The following BCL2L2 variants were observed in gnomAD, a reference collection of about 807,000 sequenced individuals.
The protein encoded by BCL2L2 is bcl-2-like protein 2.
In BCL2L2, 6 loss-of-function variants were observed where a neutral mutation model predicts 14.6. That is an observed-to-expected ratio of 0.41 (90% CI 0.22 to 0.81). BCL2L2 has a LOEUF of 0.81. BCL2L2 is among the 30% of genes least tolerant of loss of function. BCL2L2 has a pLI of 0.32. For synonymous variants in BCL2L2, 90 were observed against 108.5 expected, an observed-to-expected ratio of 0.83 and a Z score of 1.06; for missense variants, 191 against 260.5, an observed-to-expected ratio of 0.73 and a Z score of 1.84.
rs964897643 is a variant in BCL2L2 at position 23,308,403 on chromosome 14, C to T, written c.432+204C>T. ...CCATGCAGTCAACACTGGATGGGCT[C>T]ATGGTCCCAAGCAGAGGACAGAATA... On this transcript the variant is annotated intron_variant, in intron 3 of 3. Transcript: ENST00000250405. The surrounding 1 kb of genome is among the most constrained non-coding windows in gnomAD (Gnocchi z 5.4). Among the ~76,000 whole-genome samples, 2 of 151,966 alleles carry T rather than the reference C, an allele frequency of 1.3e-5. No individual in the cohort carries two copies. Among genetic ancestry groups the T allele is most frequent in the Admixed American group, 6.5e-5 (1 of 15,268 alleles).
In BCL2L2 at chr14:23,310,598, G is replaced by C; in HGVS notation, c.*1633G>C. Reference sequence around the variant, plus strand: ...CATGGTATTTCTAGGGGAGGTGGTAGGCTGCATGTGCCACTTGGTCTTGTT... The same window carrying C: ...CATGGTATTTCTAGGGGAGGTGGTACGCTGCATGTGCCACTTGGTCTTGTT... On this transcript the variant is annotated 3_prime_UTR_variant, in exon 4 of 4. Transcript: ENST00000250405. 1 of 1,085,076 alleles carries C rather than the reference G, an allele frequency of 9.2e-7. No individual in the cohort carries two copies. Among genetic ancestry groups the C allele is most frequent in the Non-Finnish European group, 1.1e-6 (1 of 889,696 alleles). 67.2% of individuals were successfully genotyped at this position (1,085,076 alleles called of 1,614,324 possible). A position where few individuals can be genotyped will look rare whatever the true frequency, so the allele number is the denominator to read the frequency against.
intron 2 of BCL2L2, among the ~76,000 whole-genome samples, 198 bp downstream of exon 2, chr14:23,307,477 C>T (rs898306376): frequency 3.3e-5 from 5 of 152,192 alleles, no homozygotes; most frequent in Admixed American, 1.3e-4. Flanking sequence ...GTAGGGGTGT[C>T]ATTGAGCTGA....
rs1321833489 is a variant in BCL2L2 at position 23,311,093 on chromosome 14, C to T, written c.*2128C>T. 7.8e-7 allele frequency: 1 copy of T among 1,289,162 alleles called. No individual in the cohort carries two copies. Among genetic ancestry groups the T allele is most frequent in the Admixed American group, 2.3e-5 (1 of 43,548 alleles). The allele number at this position is 1,289,162 out of a possible 1,614,324, so 79.9% of individuals were successfully genotyped here. On this transcript the variant is annotated 3_prime_UTR_variant, in exon 4 of 4. Transcript: ENST00000250405. ...ATGGCCAGGTTACCAAAATGCCCTG[C>T]TCTGAAGCCTTGACACCTGGGTGGA...
Position 23,309,098 on chromosome 14 carries a change from G to C in BCL2L2, c.*133G>C. The C allele has an allele frequency of 8.0e-7, 1 of 1,253,556 alleles. No individual in the cohort carries two copies. Among genetic ancestry groups the C allele is most frequent in the Non-Finnish European group, 1.0e-6 (1 of 992,318 alleles). 77.7% of individuals were successfully genotyped at this position (1,253,556 alleles called of 1,614,324 possible). A position where few individuals can be genotyped will look rare whatever the true frequency, so the allele number is the denominator to read the frequency against. ...ACAGGATGGGCAGAGAAAGGGTAGT[G>C]TGTGAGGGAGCTGAGTAGGCCAGGT... On this transcript the variant is annotated 3_prime_UTR_variant, in exon 4 of 4. Transcript: ENST00000250405.
rs1887527873 is a variant in BCL2L2, at chr14:23,310,316, A to T, written c.*1351A>T. 6 of 986,886 alleles carry T rather than the reference A, an allele frequency of 6.1e-6. No homozygotes were observed. In the South Asian group the frequency reaches 2.8e-4, roughly 46 times the overall value. 61.1% of individuals were successfully genotyped at this position (986,886 alleles called of 1,614,324 possible). ...TTATTCACTCCAGATGCATGCCCTG[A>T]GCCAGACCTCACTGCTGCACTTTCC... On this transcript the variant is annotated 3_prime_UTR_variant, in exon 4 of 4. Coordinates refer to ENST00000250405, the MANE Select transcript of BCL2L2 (RefSeq NM_004050.5).
Position 23,308,615 on chromosome 14 carries a change from A to G in BCL2L2, c.433-201A>G, listed in dbSNP as rs1384197546. Among the ~76,000 whole-genome samples, 1 of 151,898 alleles carries G rather than the reference A, an allele frequency of 6.6e-6. No individual in the cohort carries two copies. The highest frequency in any genetic ancestry group is 1.5e-5 in the Non-Finnish European group (1 of 67,980). ...CACTGGAGGCAGAGTGGGCAGATGA[A>G]CCAGTCTCTCAGGGTGGGGGTGCAC... On this transcript the variant is annotated intron_variant, in intron 3 of 3. Coordinates refer to ENST00000250405, the MANE Select transcript of BCL2L2 (RefSeq NM_004050.5). The surrounding 1 kb of genome is among the most constrained non-coding windows in gnomAD (Gnocchi z 5.4).
rs1377870350 is a variant in BCL2L2 at position 23,310,896 on chromosome 14, T to G, written c.*1931T>G. ...GTAAGATTTTATTTGCATTAAGGGG[T>G]TTGCTGCTGAAAAAAAGTTGGAAAA... On this transcript the variant is annotated 3_prime_UTR_variant, in exon 4 of 4. Transcript: ENST00000250405. 7.8e-7 allele frequency: 1 copy of G among 1,287,210 alleles called. No individual in the cohort carries two copies. Among genetic ancestry groups the G allele is most frequent in the East Asian group, 5.6e-5 (1 of 18,014 alleles). The allele number at this position is 1,287,210 out of a possible 1,614,324, so 79.7% of individuals were successfully genotyped here. A position where few individuals can be genotyped will look rare whatever the true frequency, so the allele number is the denominator to read the frequency against.
At position 23,311,533 on chromosome 14, in the gene BCL2L2, T is replaced by C; in HGVS notation, c.*2568T>C. 1 of 990,628 alleles carries C rather than the reference T, an allele frequency of 1.0e-6. No homozygotes were observed. The highest frequency in any genetic ancestry group is 1.2e-6 in the Non-Finnish European group (1 of 833,664). The allele number at this position is 990,628 out of a possible 1,614,324, so 61.4% of individuals were successfully genotyped here. ...ATTATTAATCCCACTCCCCACTTAT[T>C]CTAGGGCACACAAACACTATTTTAC... is the stretch of plus-strand genomic sequence containing the variant. On this transcript the variant is annotated 3_prime_UTR_variant, in exon 4 of 4. Coordinates refer to ENST00000250405, the MANE Select transcript of BCL2L2 (RefSeq NM_004050.5).
In BCL2L2 at chr14:23,308,864, C is replaced by T. The variant is rs1887426680; in HGVS notation, c.481C>T (p.Arg161Cys). 1 of 1,319,750 alleles carries T rather than the reference C, an allele frequency of 7.6e-7. No individual in the cohort carries two copies. The highest frequency in any genetic ancestry group is 9.7e-7 in the Non-Finnish European group (1 of 1,026,190). The allele number at this position is 1,319,750 out of a possible 1,614,324, so 81.8% of individuals were successfully genotyped here. ...GGACGGGGCCCTGGAGGAGGCGCGG[C>T]GTCTGCGGGAGGGGAACTGGGCATC... is the stretch of plus-strand genomic sequence containing the variant. The part of the protein sequence containing the change: ...YGDGALEEAR[R>C]LREGNWASVR... Residue 161 changes from arginine (R) to cysteine (C), a missense_variant, in exon 4 of 4, where the codon CGT becomes TGT. Transcript: ENST00000250405. The surrounding 1 kb of genome is among the most constrained non-coding windows in gnomAD (Gnocchi z 5.4).
chr14:23,308,287 G>A lies in BCL2L2; in HGVS notation c.432+88G>A. 1.4e-6 allele frequency: 2 copies of A among 1,460,174 alleles called. No homozygotes were observed. Among genetic ancestry groups the A allele is most frequent in the African/African-American group, 2.8e-5 (2 of 70,396 alleles). The allele number at this position is 1,460,174 out of a possible 1,614,324, so 90.5% of individuals were successfully genotyped here. A position where few individuals can be genotyped will look rare whatever the true frequency, so the allele number is the denominator to read the frequency against. ...ATGGGGGCTCTGATTGGAGGCTGAG[G>A]CAGCTATGTTGGGAATGAGGTACGG... On this transcript the variant is annotated intron_variant, in intron 3 of 3. Transcript: ENST00000250405. The surrounding 1 kb of genome is among the most constrained non-coding windows in gnomAD (Gnocchi z 5.4).
In BCL2L2 at chr14:23,309,203, T is replaced by A; in HGVS notation, c.*238T>A. On this transcript the variant is annotated 3_prime_UTR_variant, in exon 4 of 4. Transcript: ENST00000250405. ...TTAGGGGCACAGGAGATGTAGTCGT[T>A]CCAGGGCTGGGGGAGGTGGGAGGGA... The A allele has an allele frequency of 1.1e-6, 1 of 914,292 alleles. No individual in the cohort carries two copies. The highest frequency in any genetic ancestry group is 9.2e-5 in the East Asian group (1 of 10,926). 56.6% of individuals were successfully genotyped at this position (914,292 alleles called of 1,614,324 possible). A position where few individuals can be genotyped will look rare whatever the true frequency, so the allele number is the denominator to read the frequency against.
Position 23,308,449 on chromosome 14 carries a change from AG to A in BCL2L2, c.432+254del, listed in dbSNP as rs1887395036. Among the ~76,000 whole-genome samples, 1 of 152,092 alleles carries A rather than the reference AG, an allele frequency of 6.6e-6. No individual in the cohort carries two copies. Among genetic ancestry groups the A allele is most frequent in the African/African-American group, 2.4e-5 (1 of 41,410 alleles). On this transcript the variant is annotated intron_variant, in intron 3 of 3. Coordinates refer to ENST00000250405, the MANE Select transcript of BCL2L2 (RefSeq NM_004050.5). The surrounding 1 kb of genome is among the most constrained non-coding windows in gnomAD (Gnocchi z 5.4). ...GAATACACACCCAAGGAGTGCCTGCAGGGGAATGTTGTCAGGGACTTTTTAC... is the reference window on the plus strand; with the variant it reads ...GAATACACACCCAAGGAGTGCCTGCAGGGAATGTTGTCAGGGACTTTTTAC...
chr14:23,311,596 A>G lies in BCL2L2; in HGVS notation c.*2631A>G, dbSNP rs975896012. ...ATAAAACGGCAGAACAGATTTGGTTAGTTTAGAAGAAAAGAAAGCTCTATA... is the reference window on the plus strand; with the variant it reads ...ATAAAACGGCAGAACAGATTTGGTTGGTTTAGAAGAAAAGAAAGCTCTATA... On this transcript the variant is annotated 3_prime_UTR_variant, in exon 4 of 4. Transcript: ENST00000250405. The G allele has an allele frequency of 1.0e-6, 1 of 979,766 alleles. No homozygotes were observed. Among genetic ancestry groups the G allele is most frequent in the Non-Finnish European group, 1.2e-6 (1 of 824,810 alleles). 60.7% of individuals were successfully genotyped at this position (979,766 alleles called of 1,614,324 possible). A position where few individuals can be genotyped will look rare whatever the true frequency, so the allele number is the denominator to read the frequency against.
Position 23,310,600 on chromosome 14 carries a change from C to T in BCL2L2, c.*1635C>T, listed in dbSNP as rs1313359101. ...TGGTATTTCTAGGGGAGGTGGTAGG[C>T]TGCATGTGCCACTTGGTCTTGTTGT... On this transcript the variant is annotated 3_prime_UTR_variant, in exon 4 of 4. Coordinates refer to ENST00000250405, the MANE Select transcript of BCL2L2 (RefSeq NM_004050.5). 1 of 1,084,190 alleles carries T rather than the reference C, an allele frequency of 9.2e-7. No individual in the cohort carries two copies. Among genetic ancestry groups the T allele is most frequent in the Non-Finnish European group, 1.1e-6 (1 of 889,160 alleles). 67.2% of individuals were successfully genotyped at this position (1,084,190 alleles called of 1,614,324 possible).
intron 2 of BCL2L2, 124 bp from the exon 3 acceptor site, chr14:23,307,636 T>C: frequency 3.8e-6 from 5 of 1,312,686 alleles, no homozygotes; most frequent in Non-Finnish European, 4.1e-6. Context: ...TGCCTCTCCC[T>C]GTCCAGTGAG....
Position 23,310,107 on chromosome 14 carries a change from CA to C in BCL2L2, c.*1143del, listed in dbSNP as rs1160936348. On this transcript the variant is annotated 3_prime_UTR_variant, in exon 4 of 4. Transcript: ENST00000250405. ...GTTGTGGGCTTTGGTTCGGCTTTATCAGGGGCCAGGCATATGGGTTCTAGAG... is the reference window on the plus strand; with the variant it reads ...GTTGTGGGCTTTGGTTCGGCTTTATCGGGGCCAGGCATATGGGTTCTAGAG... 1.0e-6 allele frequency: 1 copy of C among 985,330 alleles called. No homozygotes were observed. Among genetic ancestry groups the C allele is most frequent in the East Asian group, 1.1e-4 (1 of 8,824 alleles). The allele number at this position is 985,330 out of a possible 1,614,324, so 61.0% of individuals were successfully genotyped here. A position where few individuals can be genotyped will look rare whatever the true frequency, so the allele number is the denominator to read the frequency against.
Position 23,310,994 on chromosome 14 carries a change from C to A in BCL2L2, c.*2029C>A. ...CCAGGTATGGAGCACACTCTTCACCCTACCCTCTACCACAGGACACATATC... is the reference window on the plus strand; with the variant it reads ...CCAGGTATGGAGCACACTCTTCACCATACCCTCTACCACAGGACACATATC... On this transcript the variant is annotated 3_prime_UTR_variant, in exon 4 of 4. Coordinates refer to ENST00000250405, the MANE Select transcript of BCL2L2 (RefSeq NM_004050.5). The A allele has an allele frequency of 1.6e-6, 2 of 1,289,620 alleles. No homozygotes were observed. Among genetic ancestry groups the A allele is most frequent in the Non-Finnish European group, 2.0e-6 (2 of 988,698 alleles). The allele number at this position is 1,289,620 out of a possible 1,614,324, so 79.9% of individuals were successfully genotyped here.
Position 23,308,494 on chromosome 14 carries a change from G to A in BCL2L2, c.432+295G>A, listed in dbSNP as rs1036775193. ...TTTTTACATCTGAGTCATGGCGTGG[G>A]AGGTGGGGAGGACCAGGGATGGGTG... On this transcript the variant is annotated intron_variant, in intron 3 of 3. Transcript: ENST00000250405. The surrounding 1 kb of genome is among the most constrained non-coding windows in gnomAD (Gnocchi z 5.4). Among the ~76,000 whole-genome samples the A allele has an allele frequency of 1.3e-5, 2 of 152,132 alleles. No individual in the cohort carries two copies. Among genetic ancestry groups the A allele is most frequent in the Non-Finnish European group, 1.5e-5 (1 of 68,030 alleles).
In BCL2L2 at chr14:23,308,846, G is replaced by A. The variant is rs1165602580; in HGVS notation, c.463G>A (p.Ala155Thr). 2 of 1,321,032 alleles carry A rather than the reference G, an allele frequency of 1.5e-6. No individual in the cohort carries two copies. Among genetic ancestry groups the A allele is most frequent in the Non-Finnish European group, 9.7e-7 (1 of 1,027,158 alleles). 81.8% of individuals were successfully genotyped at this position (1,321,032 alleles called of 1,614,324 possible). The change falls in exon 4 of 4, where the codon GCC becomes ACC. Residue 155 changes from alanine to threonine, a missense_variant. Coordinates refer to ENST00000250405, the MANE Select transcript of BCL2L2 (RefSeq NM_004050.5). This position sits in a 1 kb window ranked among gnomAD's most constrained non-coding sequence, Gnocchi z 5.4. ...GTTCACAGCTCTATACGGGGACGGG[G>A]CCCTGGAGGAGGCGCGGCGTCTGCG... is the stretch of plus-strand genomic sequence containing the variant. ...AEFTALYGDG[A>T]LEEARRLREG... is the part of the protein sequence containing the mutation.
Sources: allele counts gnomAD v4.1 joint callset (sites outside exome capture counted in the v4.1 genomes callset), GRCh38; gene constraint gnomAD v4.1.1; non-coding constraint Gnocchi (gnomAD v3.1); transcripts MANE v1.5; gene names NCBI Gene and HGNC (gene_info 2026-07-23, HGNC 2026-07-21).